The following PCDHGA2 variants were observed in gnomAD, a reference collection of about 807,000 sequenced individuals.
PCDHGA2 encodes protocadherin gamma-A2.
PCDHGA2 carries 40 observed loss-of-function variants against 59.2 expected under a neutral mutation model. The observed-to-expected ratio is 0.68, with a 90% CI of 0.52 to 0.88. The LOEUF (loss-of-function observed/expected upper bound fraction) is 0.88. PCDHGA2 is among the 40% of genes least tolerant of loss of function. PCDHGA2 has a pLI of 0.00. For synonymous variants in PCDHGA2, 560 were observed against 526.0 expected, an observed-to-expected ratio of 1.06 and a Z score of -0.89; for missense variants, 1,226 against 1,204.0, an observed-to-expected ratio of 1.02 and a Z score of -0.27.
At chr5:141,421,185 C>T in intron 1 of PCDHGA2, 1 of 1,463,494 alleles carries the variant, frequency 6.8e-7, no homozygotes, top group Non-Finnish European at 9.1e-7. Flanking sequence ...GATTCACAAC[C>T]AACCAGCTCG....
chr5:141,408,555 A>G, intron 1 of PCDHGA2: 1 of 1,614,052 alleles, frequency 6.2e-7, no homozygotes, highest in South Asian at 1.1e-5. Flanking sequence ...AATATTTTTC[A>G]TGTCATTGTG....
chr5:141,441,103 A>C (rs2098225469), intron 1 of PCDHGA2: 1 of 152,198 alleles, frequency 6.6e-6, no homozygotes, highest in Non-Finnish European at 1.5e-5. Flanking sequence ...AGAGGGACTC[A>C]TTGTCCAGTG....
At chr5:141,383,781 G>A (rs1435690676) in intron 1 of PCDHGA2, 13 of 1,613,850 alleles carry the variant, frequency 8.1e-6, no homozygotes, top group Non-Finnish European at 1.1e-5. Context: ...TGTTTCATCT[G>A]AACTCGCTTA....
chr5:141,504,078 C>T (rs1333392062), intron 2 of PCDHGA2, among the ~76,000 whole-genome samples: 1 of 152,078 alleles, frequency 6.6e-6, no homozygotes, highest in Non-Finnish European at 1.5e-5. Flanking sequence ...CCAGATGGTG[C>T]CAAACAGTTA....
Position 141,487,931 on chromosome 5 carries a change from G to A in PCDHGA2, c.2425-6876G>A. The stretch of plus-strand genomic sequence containing the variant: ...AGCACAGGAGGCTACAGTGCACAGG[G>A]TACAGTGCACCAGGCAGTCACTTGG... On this transcript the variant is annotated intron_variant, in intron 1 of 3. Transcript: ENST00000394576. The surrounding 1 kb of genome is among the most constrained non-coding windows in gnomAD (Gnocchi z 5.0). The A allele has an allele frequency of 1.6e-6, 1 of 612,954 alleles. No homozygotes were observed. The highest frequency in any genetic ancestry group is 2.8e-6 in the Non-Finnish European group (1 of 351,318). 38.0% of individuals were successfully genotyped at this position (612,954 alleles called of 1,614,324 possible). A position where few individuals can be genotyped will look rare whatever the true frequency, so the allele number is the denominator to read the frequency against.
intron 1 of PCDHGA2, chr5:141,351,893 C>A: frequency 3.7e-6 from 6 of 1,613,414 alleles, no homozygotes; most frequent in African/African-American, 1.3e-5. Context: ...CGTGAGCCTG[C>A]GCGTGTTGGT....
Position 141,487,193 on chromosome 5 carries a change from C to T in PCDHGA2, c.2425-7614C>T. 6.2e-7 allele frequency: 1 copy of T among 1,613,784 alleles called. No individual in the cohort carries two copies. Among genetic ancestry groups the T allele is most frequent in the Non-Finnish European group, 8.5e-7 (1 of 1,179,724 alleles). On this transcript the variant is annotated intron_variant, in intron 1 of 3. Transcript: ENST00000394576. The surrounding 1 kb of genome is among the most constrained non-coding windows in gnomAD (Gnocchi z 5.0). ...AGAGGAAGACACTCATCCAGTTGTC[C>T]CAGATCTTCGAGAATCTTCAGCTCC...
rs144695545 is a variant in PCDHGA2, at chr5:141,487,156, C to G, written c.2425-7651C>G. ...CACCACTCTCTACCTCTGTTACTCT[C>G]TTAGTGTCCTTAGAGGAAGACACTC... On this transcript the variant is annotated intron_variant, in intron 1 of 3. Transcript: ENST00000394576. This position sits in a 1 kb window ranked among gnomAD's most constrained non-coding sequence, Gnocchi z 5.0. 105 of 1,613,896 alleles carry G rather than the reference C, an allele frequency of 6.5e-5. No homozygotes were observed. In the African/African-American group the frequency reaches 1.2e-3, roughly 18 times the overall value.
intron 1 of PCDHGA2, chr5:141,376,418 C>G (rs1354597104): frequency 6.2e-7 from 1 of 1,614,230 alleles, no homozygotes; most frequent in Admixed American, 1.7e-5. Context: ...TGCCGACACG[C>G]TTATCAACCA....
At position 141,476,001 on chromosome 5, in the gene PCDHGA2, C is replaced by G; in HGVS notation, c.2425-18806C>G. The G allele has an allele frequency of 8.1e-7, 1 of 1,235,348 alleles. No homozygotes were observed. Among genetic ancestry groups the G allele is most frequent in the Non-Finnish European group, 1.1e-6 (1 of 894,008 alleles). 76.5% of individuals were successfully genotyped at this position (1,235,348 alleles called of 1,614,324 possible). On this transcript the variant is annotated intron_variant, in intron 1 of 3. Transcript: ENST00000394576. The surrounding 1 kb of genome is among the most constrained non-coding windows in gnomAD (Gnocchi z 7.6). ...CAGCCGGCGAGCAAATCAACGGCATCCAGAAAGCCATGTCGGACTCGGCGC... is the reference window on the plus strand; with the variant it reads ...CAGCCGGCGAGCAAATCAACGGCATGCAGAAAGCCATGTCGGACTCGGCGC...
Position 141,459,075 on chromosome 5 carries a change from G to C in PCDHGA2, c.2425-35732G>C, listed in dbSNP as rs562572838. ...GTATAATTTATATAACATAAAATTT[G>C]CCTTTTAAAATTATACAGTGCAATG... On this transcript the variant is annotated intron_variant, in intron 1 of 3. Transcript: ENST00000394576. 4.6e-5 allele frequency among the ~76,000 whole-genome samples: 7 copies of C among 152,252 alleles called. No individual in the cohort carries two copies. The East Asian group carries it at 1.4e-3, about 29-fold the overall frequency.
chr5:141,505,270 G>A (rs550800630), intron 2 of PCDHGA2, 123 bp from the exon 3 acceptor site: 103 of 1,520,724 alleles, frequency 6.8e-5, no homozygotes, highest in Middle Eastern at 4.6e-4. Context: ...CTTGCTGAGA[G>A]AAACAGGTCT....
intron 1 of PCDHGA2, chr5:141,389,762 A>C (rs778570717): frequency 1.2e-6 from 2 of 1,612,968 alleles, no homozygotes; most frequent in Non-Finnish European, 1.7e-6. Flanking sequence ...AAGTGCGCAC[A>C]GCGCGTGCCT....
Position 141,432,623 on chromosome 5 carries a change from C to T in PCDHGA2, c.2425-62184C>T, listed in dbSNP as rs1047752183. Reference sequence around the variant, plus strand: ...GCCGGGACTCTTCTCGGTGGGTCTGCACACGGGCGAGGTGCGCACGGCGCG... The same window carrying T: ...GCCGGGACTCTTCTCGGTGGGTCTGTACACGGGCGAGGTGCGCACGGCGCG... On this transcript the variant is annotated intron_variant, in intron 1 of 3. Coordinates refer to ENST00000394576, the MANE Select transcript of PCDHGA2 (RefSeq NM_018915.4). The surrounding 1 kb of genome is among the most constrained non-coding windows in gnomAD (Gnocchi z 6.0). The T allele has an allele frequency of 1.2e-6, 2 of 1,613,196 alleles. No homozygotes were observed. The highest frequency in any genetic ancestry group is 2.2e-5 in the East Asian group (1 of 44,792).
At chr5:141,374,974 G>A in intron 1 of PCDHGA2, 2 of 1,613,958 alleles carry the variant, frequency 1.2e-6, no homozygotes, top group Non-Finnish European at 1.7e-6. Context: ...TGAATGTTTT[G>A]ACTGGAGAAA....
At chr5:141,347,786 CAAA>C (rs1186221035) in intron 1 of PCDHGA2, among the ~76,000 whole-genome samples, 1 of 106,276 alleles carries the variant, frequency 9.4e-6, no homozygotes. Flanking sequence ...GACTCCATCT[CAAA>C]AAAAAAAAAA....
intron 3 of PCDHGA2, among the ~76,000 whole-genome samples, chr5:141,510,556 T>TA (rs2099881668): frequency 6.6e-6 from 1 of 152,178 alleles, no homozygotes; most frequent in African/African-American, 2.4e-5. Flanking sequence ...TTTGAGCACT[T>TA]ACATCTACCA....
chr5:141,491,648 T>C lies in PCDHGA2; in HGVS notation c.2425-3159T>C. ...GTTCAGCAGCCCACAGCTCTGGCGC[T>C]GGAGCCTGACGCCATCCGGTCCCGC... On this transcript the variant is annotated intron_variant, in intron 1 of 3. Transcript: ENST00000394576. The surrounding 1 kb of genome is among the most constrained non-coding windows in gnomAD (Gnocchi z 6.9). 2 of 1,613,834 alleles carry C rather than the reference T, an allele frequency of 1.2e-6. No individual in the cohort carries two copies. Among genetic ancestry groups the C allele is most frequent in the South Asian group, 1.1e-5 (1 of 91,082 alleles).
At chr5:141,369,953 C>T (rs1473621246) in intron 1 of PCDHGA2, among the ~76,000 whole-genome samples, 1 of 152,124 alleles carries the variant, frequency 6.6e-6, no homozygotes, top group Non-Finnish European at 1.5e-5. Context: ...ATTATCTCTG[C>T]CCTTTGACAA....
Sources: allele counts gnomAD v4.1 joint callset (sites outside exome capture counted in the v4.1 genomes callset), GRCh38; gene constraint gnomAD v4.1.1; non-coding constraint Gnocchi (gnomAD v3.1); transcripts MANE v1.5; gene names NCBI Gene and HGNC (gene_info 2026-07-23, HGNC 2026-07-21).